Variants in SCARA5 observed in about 807,000 individuals in gnomAD.
The protein encoded by SCARA5 is scavenger receptor class A member 5.
Under a neutral mutation model 46.3 loss-of-function variants are expected in SCARA5, and 45 were observed. The observed-to-expected ratio is 0.97, with a 90% CI of 0.76 to 1.24. The LOEUF (loss-of-function observed/expected upper bound fraction) is 1.24, where lower values mean the gene tolerates loss of function less well. SCARA5 is among the 50% of genes most tolerant of loss of function. SCARA5 has a pLI of 0.00. For synonymous variants in SCARA5, 333 were observed against 306.5 expected, an observed-to-expected ratio of 1.09 and a Z score of -0.90; for missense variants, 680 against 689.0, an observed-to-expected ratio of 0.99 and a Z score of 0.15.
chr8:27,916,331 A>G (rs927312205), intron 4 of SCARA5, among the ~76,000 whole-genome samples: 1 of 152,316 alleles, frequency 6.6e-6, no homozygotes, highest in East Asian at 1.9e-4. Flanking sequence ...GTGTATGTGT[A>G]TATGTGTTCA....
intron 7 of SCARA5, among the ~76,000 whole-genome samples, chr8:27,882,879 C>T (rs1483001363): frequency 6.6e-6 from 1 of 152,216 alleles, no homozygotes; most frequent in African/African-American, 2.4e-5. Context: ...AGAATAGCAC[C>T]TGGCACATAA....
chr8:27,878,505 C>T (rs1585458759), intron 8 of SCARA5, among the ~76,000 whole-genome samples: 1 of 152,292 alleles, frequency 6.6e-6, no homozygotes, highest in Admixed American at 6.5e-5. Context: ...GTGCCCCTTC[C>T]TCAGAGTCTC....
intron 3 of SCARA5, among the ~76,000 whole-genome samples, chr8:27,923,426 C>T (rs1215259557): frequency 1.3e-5 from 2 of 152,218 alleles, no homozygotes; most frequent in African/African-American, 2.4e-5. Context: ...TTCCATTCTC[C>T]AACAGCCCTG....
chr8:27,938,012 C>A (rs549607193), intron 3 of SCARA5, among the ~76,000 whole-genome samples: 1 of 152,076 alleles, frequency 6.6e-6, no homozygotes, highest in Non-Finnish European at 1.5e-5. Flanking sequence ...CCATAACTAG[C>A]GGTTAGGGAG....
chr8:27,988,517 C>T (rs571382851), intron 1 of SCARA5, among the ~76,000 whole-genome samples: 2 of 152,294 alleles, frequency 1.3e-5, no homozygotes, highest in South Asian at 2.1e-4. Flanking sequence ...ATGATGGCTC[C>T]GGGTGAGAAA....
At chr8:27,947,611 G>A (rs1325463848) in intron 3 of SCARA5, among the ~76,000 whole-genome samples, 1 of 150,216 alleles carries the variant, frequency 6.7e-6, no homozygotes, top group Non-Finnish European at 1.5e-5. Flanking sequence ...TACGCTAAGT[G>A]AAATAAACCA....
intron 3 of SCARA5, among the ~76,000 whole-genome samples, chr8:27,960,373 C>T (rs574439798): frequency 6.6e-6 from 1 of 152,176 alleles, no homozygotes; most frequent in African/African-American, 2.4e-5. Context: ...GATGAGGTCT[C>T]ACTATGTTGC....
At chr8:27,887,189 C>T (rs1806910372) in intron 7 of SCARA5, among the ~76,000 whole-genome samples, 1 of 152,114 alleles carries the variant, frequency 6.6e-6, no homozygotes, top group Non-Finnish European at 1.5e-5. Context: ...GACTGCGAGG[C>T]ACCTTCACCT....
At chr8:27,939,214 T>C (rs1022259145) in intron 3 of SCARA5, among the ~76,000 whole-genome samples, 3 of 152,190 alleles carry the variant, frequency 2.0e-5, no homozygotes, top group African/African-American at 7.2e-5. Flanking sequence ...ACAGGGACTT[T>C]TTGCACTCCA....
intron 2 of SCARA5, among the ~76,000 whole-genome samples, chr8:27,978,030 T>TG (rs1443907371): frequency 1.0e-4 from 15 of 145,558 alleles, no homozygotes; most frequent in Non-Finnish European, 2.1e-4. Flanking sequence ...TTTTGTTTTT[T>TG]TTTTTTTTTT....
chr8:27,982,936 G>A (rs926297158), intron 2 of SCARA5, among the ~76,000 whole-genome samples: 1 of 152,196 alleles, frequency 6.6e-6, no homozygotes, highest in African/African-American at 2.4e-5. Flanking sequence ...CAGGTCCGGT[G>A]CAGGAGTGGA....
intron 7 of SCARA5, among the ~76,000 whole-genome samples, chr8:27,894,356 A>G (rs1443988281): frequency 2.0e-5 from 3 of 152,202 alleles, no homozygotes; most frequent in African/African-American, 4.8e-5. Flanking sequence ...ATATTTAATA[A>G]CAGCCCTCTC....
rs977295794 is a variant in SCARA5 at position 27,966,509 on chromosome 8, C to G, written c.146G>C (p.Cys49Ser). 5.6e-6 allele frequency: 9 copies of G among 1,613,540 alleles called. No homozygotes were observed. The highest frequency in any genetic ancestry group is 7.6e-6 in the Non-Finnish European group (9 of 1,179,842). Residue 49 changes from cysteine (C) to serine (S), a missense_variant, in exon 3 of 9, where the codon TGT (cysteine) becomes TCT (serine). By Grantham distance (112) the Cys-to-Ser change is moderately radical. Coordinates refer to ENST00000354914, the MANE Select transcript of SCARA5 (RefSeq NM_173833.6). ...PCHKRRASICCTQLGSLSALK... is the reference protein window; with the variant it reads ...PCHKRRASICSTQLGSLSALK... ...GGCCGACAGGGACCCCAGCTGGGTACAGCAGATGCTTGCCCGCCGTTTGTG... is the reference window on the plus strand; with the variant it reads ...GGCCGACAGGGACCCCAGCTGGGTAGAGCAGATGCTTGCCCGCCGTTTGTG...
intron 7 of SCARA5, chr8:27,904,502 T>C: frequency 1.8e-6 from 1 of 551,910 alleles, no homozygotes; most frequent in Non-Finnish European, 3.2e-6. Flanking sequence ...ACAGAGATTA[T>C]ACCAGCTGGG....
At chr8:27,875,553 C>T (rs1806710914) in intron 8 of SCARA5, among the ~76,000 whole-genome samples, 1 of 152,104 alleles carries the variant, frequency 6.6e-6, no homozygotes, top group Non-Finnish European at 1.5e-5. Flanking sequence ...GAAAAGCCTT[C>T]CAGCAGGAGG....
In SCARA5 at chr8:27,904,060, G is replaced by GTAAACCTTATTT. The variant is rs1362490792; in HGVS notation, c.1153+717_1153+718insAAATAAGGTTTA. 5.3e-5 allele frequency among the ~76,000 whole-genome samples: 8 copies of GTAAACCTTATTT among 152,332 alleles called. No individual in the cohort carries two copies. The East Asian group carries it at 1.5e-3, about 29-fold the overall frequency. On this transcript the variant is annotated intron_variant, in intron 7 of 8. Coordinates refer to ENST00000354914, the MANE Select transcript of SCARA5 (RefSeq NM_173833.6). ...TCTAGGGGAAAAGTAAACCTTAGAA[G>GTAAACCTTATTT]AGTGGCACAACTAAATAAGCTGATC...
At chr8:27,873,639 G>A (rs1044454679) in intron 8 of SCARA5, among the ~76,000 whole-genome samples, 4 of 148,444 alleles carry the variant, frequency 2.7e-5, no homozygotes, top group Admixed American at 2.0e-4. Flanking sequence ...AAATCCCTGC[G>A]CTGACTCTCT....
chr8:27,985,376 C>A (rs1808690671), intron 2 of SCARA5, among the ~76,000 whole-genome samples: 1 of 152,150 alleles, frequency 6.6e-6, no homozygotes, highest in Non-Finnish European at 1.5e-5. Flanking sequence ...CAGAGATTCC[C>A]TGCCAAGGTT....
intron 3 of SCARA5, among the ~76,000 whole-genome samples, chr8:27,939,891 C>G (rs901863511): frequency 7.9e-5 from 12 of 152,202 alleles, no homozygotes; most frequent in African/African-American, 2.7e-4. Context: ...CTATCTGCCT[C>G]TTTCTACTCC....
Sources: allele counts gnomAD v4.1 joint callset (sites outside exome capture counted in the v4.1 genomes callset), GRCh38; gene constraint gnomAD v4.1.1; transcripts MANE v1.5; gene names NCBI Gene and HGNC (gene_info 2026-07-23, HGNC 2026-07-21).